The following UXS1 variants were observed in gnomAD, a reference collection of about 807,000 sequenced individuals.
UXS1 encodes the protein UDP-glucuronic acid decarboxylase 1.
Under a neutral mutation model 62.6 loss-of-function variants are expected in UXS1, and 33 were observed. The observed-to-expected ratio is 0.53, with a 90% CI of 0.40 to 0.70. UXS1 has a LOEUF of 0.70. UXS1 is among the 30% of genes least tolerant of loss of function. UXS1 has a pLI of 0.00. For missense variants in UXS1, 434 were observed against 556.3 expected (o/e 0.78, Z 2.21); for synonymous variants, 213 against 206.8 (o/e 1.03, Z -0.26).
At chr2:106,194,090 C>T in intron 1 of UXS1, 58 bp downstream of exon 1, 8 of 1,364,570 alleles carry the variant, frequency 5.9e-6, no homozygotes, top group Non-Finnish European at 6.7e-6. Flanking sequence ...GCCGCCCGGC[C>T]CACCGCGGCG....
Position 106,145,278 on chromosome 2 carries a change from C to T in UXS1, c.384G>A (p.Thr128=), listed in dbSNP as rs761259738. ...AGTGCTCCACGTTTCTCTTCCTGCCCGTGAAGAAATTGTCCACCACGGTCA... is the reference window on the plus strand; with the variant it reads ...AGTGCTCCACGTTTCTCTTCCTGCCTGTGAAGAAATTGTCCACCACGGTCA... ...HEVTVVDNFF[T]GRKRNVEHWI... is the part of the protein sequence containing the mutation. The change falls in exon 6 of 15, where the codon ACG becomes ACA. Residue 128 remains threonine, a synonymous_variant. Coordinates refer to ENST00000283148, the MANE Select transcript of UXS1 (RefSeq NM_001253875.2). 1.2e-6 allele frequency: 2 copies of T among 1,613,956 alleles called. No individual in the cohort carries two copies. Among genetic ancestry groups the T allele is most frequent in the Non-Finnish European group, 1.7e-6 (2 of 1,179,872 alleles).
At chr2:106,119,734 G>A (rs560236750) in intron 9 of UXS1, among the ~76,000 whole-genome samples, 1 of 152,322 alleles carries the variant, frequency 6.6e-6, no homozygotes, top group Admixed American at 6.5e-5. Context: ...GTAGAGGGCA[G>A]ACCCAATGTG....
chr2:106,107,791 C>T (rs1333271792), intron 10 of UXS1, among the ~76,000 whole-genome samples: 1 of 152,206 alleles, frequency 6.6e-6, no homozygotes, highest in East Asian at 1.9e-4. Context: ...AGCTCCCCAC[C>T]CAGCCAGCAC....
intron 4 of UXS1, among the ~76,000 whole-genome samples, chr2:106,159,735 A>G (rs887782718): frequency 2.0e-5 from 3 of 152,208 alleles, no homozygotes; most frequent in African/African-American, 7.2e-5. Flanking sequence ...ACTAGGATAC[A>G]GAATGCACTT....
At chr2:106,178,693 A>G (rs1208755472) in intron 1 of UXS1, among the ~76,000 whole-genome samples, 2 of 152,100 alleles carry the variant, frequency 1.3e-5, no homozygotes, top group Middle Eastern at 3.2e-3. Flanking sequence ...CACATGGAGT[A>G]GGGCCCATGG....
intron 1 of UXS1, among the ~76,000 whole-genome samples, chr2:106,192,733 C>G (rs2104310784): frequency 6.7e-6 from 1 of 148,272 alleles, no homozygotes; most frequent in African/African-American, 2.6e-5. Flanking sequence ...CCTTCTCTTA[C>G]TATCTGTGTG....
intron 1 of UXS1, among the ~76,000 whole-genome samples, chr2:106,176,974 A>AT (rs1683921321): frequency 6.6e-6 from 1 of 152,198 alleles, no homozygotes; most frequent in Non-Finnish European, 1.5e-5. Flanking sequence ...GGCTTACCCA[A>AT]TAAAATCCTA....
intron 1 of UXS1, among the ~76,000 whole-genome samples, chr2:106,193,294 G>C (rs1685049125): frequency 6.6e-6 from 1 of 152,124 alleles, no homozygotes; most frequent in South Asian, 2.1e-4. Flanking sequence ...CTCACACTGG[G>C]AGCTATTTCT....
At chr2:106,145,479 A>C in intron 5 of UXS1, 109 bp from the exon 6 acceptor site, 23 of 1,367,416 alleles carry the variant, frequency 1.7e-5, no homozygotes, top group African/African-American at 2.9e-5. Flanking sequence ...CTTAAAACTC[A>C]GGAGCAAGGC....
At chr2:106,125,196 C>G (rs1679830836) in intron 8 of UXS1, among the ~76,000 whole-genome samples, 2 of 152,212 alleles carry the variant, frequency 1.3e-5, no homozygotes, top group Non-Finnish European at 2.9e-5. Flanking sequence ...GCAGTCAGCG[C>G]ATGTCTCTTC....
intron 1 of UXS1, among the ~76,000 whole-genome samples, chr2:106,168,960 G>A (rs1349664695): frequency 6.6e-6 from 1 of 152,166 alleles, no homozygotes; most frequent in Non-Finnish European, 1.5e-5. Context: ...AATTTTCCTT[G>A]TGGTTAAGTG....
intron 6 of UXS1, among the ~76,000 whole-genome samples, chr2:106,137,389 G>A (rs1440550024): frequency 1.3e-5 from 2 of 152,168 alleles, no homozygotes; most frequent in South Asian, 4.1e-4. Context: ...AGGGCTGCAG[G>A]TAGAAGCAGC....
At chr2:106,152,946 G>C (rs988696967) in intron 5 of UXS1, among the ~76,000 whole-genome samples, 1 of 152,128 alleles carries the variant, frequency 6.6e-6, no homozygotes, top group African/African-American at 2.4e-5. Flanking sequence ...CCAGGGCAGT[G>C]GTTCAGAGGT....
At chr2:106,174,104 C>A (rs1410554851) in intron 1 of UXS1, among the ~76,000 whole-genome samples, 3 of 12,184 alleles carry the variant, frequency 2.5e-4, no homozygotes, top group Non-Finnish European at 3.1e-4. Flanking sequence ...GGGGCGGGGG[C>A]GGGATGGCAA....
At chr2:106,140,573 AC>A (rs950725705) in intron 6 of UXS1, among the ~76,000 whole-genome samples, 2 of 69,162 alleles carry the variant, frequency 2.9e-5, no homozygotes, top group African/African-American at 1.2e-4. Flanking sequence ...TGGTGCCCCC[AC>A]CCCCGGCCCT....
intron 3 of UXS1, among the ~76,000 whole-genome samples, chr2:106,163,921 C>T (rs1028397324): frequency 6.6e-6 from 1 of 152,126 alleles, no homozygotes; most frequent in African/African-American, 2.4e-5. Context: ...ATAAATGCCT[C>T]GGTTTCTGAG....
chr2:106,166,109 C>T (rs1206859139), intron 1 of UXS1, 26 bp from the exon 2 acceptor site: 8 of 1,607,732 alleles, frequency 5.0e-6, no homozygotes, highest in African/African-American at 1.3e-5. Flanking sequence ...AAAAGGAAGT[C>T]AATGTTTAAG....
At chr2:106,151,458 A>T (rs1315863662) in intron 5 of UXS1, among the ~76,000 whole-genome samples, 2 of 152,124 alleles carry the variant, frequency 1.3e-5, no homozygotes, top group Non-Finnish European at 2.9e-5. Context: ...GTTATGTGTA[A>T]AAGAATGAGT....
chr2:106,114,978 G>C (rs1678948473), intron 9 of UXS1, among the ~76,000 whole-genome samples: 1 of 152,168 alleles, frequency 6.6e-6, no homozygotes, highest in Non-Finnish European at 1.5e-5. Flanking sequence ...TCCCTTTCTA[G>C]GTAGCATCAG....
Sources: allele counts gnomAD v4.1 joint callset (sites outside exome capture counted in the v4.1 genomes callset), GRCh38; gene constraint gnomAD v4.1.1; transcripts MANE v1.5; gene names NCBI Gene and HGNC (gene_info 2026-07-23, HGNC 2026-07-21).